CCNT2: variants seen among roughly 807,000 people sequenced by gnomAD.
The protein encoded by CCNT2 is cyclin T2, also known as cyclin-T2.
A neutral mutation model predicts 70.0 loss-of-function variants in CCNT2; 18 were observed. The observed-to-expected ratio is 0.26, with a 90% CI of 0.18 to 0.38. The LOEUF (loss-of-function observed/expected upper bound fraction) is 0.38. Ranked by LOEUF, CCNT2 falls within the 10% of genes least tolerant of loss-of-function variation. CCNT2 has a pLI of 1.00. For missense variants in CCNT2, 734 were observed against 890.2 expected (o/e 0.82, Z 2.23); for synonymous variants, 334 against 313.3 (o/e 1.07, Z -0.70).
rs892113850 is a variant in CCNT2, at chr2:134,956,407, G to A, written c.*1759G>A. ...GTAGCATGTCCTAACATTTGTTCTG[G>A]TCTTGCATAACTTCAGTAATCTTTG... is the stretch of plus-strand genomic sequence containing the variant. On this transcript the variant is annotated 3_prime_UTR_variant, in exon 9 of 9. Coordinates refer to ENST00000264157, the MANE Select transcript of CCNT2 (RefSeq NM_058241.3). 6.6e-6 allele frequency: 1 copy of A among 152,400 alleles called. No individual in the cohort carries two copies. Among genetic ancestry groups the A allele is most frequent in the South Asian group, 2.1e-4 (1 of 4,822 alleles). The allele number at this position is 152,400 out of a possible 1,614,324, so 9.4% of individuals were successfully genotyped here.
At position 134,936,959 on chromosome 2, in the gene CCNT2, C is replaced by A; in HGVS notation, c.359C>A (p.Thr120Asn). 6.2e-7 allele frequency: 1 copy of A among 1,606,096 alleles called. No individual in the cohort carries two copies. Among genetic ancestry groups the A allele is most frequent in the South Asian group, 1.1e-5 (1 of 90,020 alleles). ...CATCCTCTAGAGCCACTGCTGGATA[C>A]TAAATGTGATGTATGTAAATACTGG... ...CLHPLEPLLD[T>N]KCDAYLQQTQ... The change falls in exon 3 of 9, where the codon ACT becomes AAT. Residue 120 changes from threonine to asparagine, a missense_variant. Thr to Asn is a moderately conservative substitution (Grantham distance 65). Around this residue, in one of 3 missense-constraint regions of CCNT2, gnomAD observed 161 missense variants for 303.8 expected, o/e 0.53. Coordinates refer to ENST00000264157, the MANE Select transcript of CCNT2 (RefSeq NM_058241.3).
At position 134,954,127 on chromosome 2, in the gene CCNT2, G is replaced by A; in HGVS notation, c.1672G>A (p.Glu558Lys). The change falls in exon 9 of 9, where the codon GAG becomes AAG. Residue 558 changes from glutamate to lysine, a missense_variant. Glu to Lys is a moderately conservative substitution (Grantham distance 56, BLOSUM62 1). Around this residue, in one of 3 missense-constraint regions of CCNT2, gnomAD observed 532 missense variants for 556.9 expected, o/e 0.96. Transcript: ENST00000264157. ...SSPHISRDHK[E>K]KHKEHPSSRH... ...CCCACATATTAGCAGAGACCATAAG[G>A]AGAAGCACAAGGAGCATCCTTCAAG... 1 of 1,614,122 alleles carries A rather than the reference G, an allele frequency of 6.2e-7. No individual in the cohort carries two copies. The highest frequency in any genetic ancestry group is 8.5e-7 in the Non-Finnish European group (1 of 1,180,028).
At chr2:134,924,731 TAGCC>T (rs1316219000) in intron 2 of CCNT2, among the ~76,000 whole-genome samples, 1 of 152,122 alleles carries the variant, frequency 6.6e-6, no homozygotes, top group Non-Finnish European at 1.5e-5. Context: ...TTACAGGCGT[TAGCC>T]ACCTCGCCCG....
At chr2:134,939,868 C>G (rs541065159) in intron 4 of CCNT2, among the ~76,000 whole-genome samples, 3 of 152,324 alleles carry the variant, frequency 2.0e-5, no homozygotes, top group African/African-American at 4.8e-5. Context: ...TCACCATTCA[C>G]CTTACTCAAT....
chr2:134,943,260 T>TC (rs754630072), intron 5 of CCNT2: 181 of 370,708 alleles, frequency 4.9e-4, no homozygotes, highest in Non-Finnish European at 6.0e-4. Flanking sequence ...AATTAGCTGG[T>TC]TGTGGTGGTA....
At chr2:134,939,151 AT>A (rs1380065693) in intron 4 of CCNT2, 89 bp downstream of exon 4, 1 of 943,746 alleles carries the variant, frequency 1.1e-6, no homozygotes, top group African/African-American at 1.7e-5. Flanking sequence ...TAATTGTATT[AT>A]TGAAGAAAGT....
chr2:134,924,321 A>G (rs1352145998), intron 2 of CCNT2, among the ~76,000 whole-genome samples: 2 of 152,248 alleles, frequency 1.3e-5, no homozygotes, highest in East Asian at 3.8e-4. Flanking sequence ...AAACAAATGT[A>G]TAGTGGATTA....
chr2:134,945,887 A>T, intron 5 of CCNT2: 1 of 1,515,110 alleles, frequency 6.6e-7, no homozygotes, highest in South Asian at 1.2e-5. Context: ...CTTGTTTCTC[A>T]GATCTTTGGG....
chr2:134,929,466 G>A (rs997019139), intron 2 of CCNT2, among the ~76,000 whole-genome samples: 4 of 151,452 alleles, frequency 2.6e-5, no homozygotes, highest in Non-Finnish European at 4.4e-5. Flanking sequence ...AAATTAGCCC[G>A]GCATCTTGGT....
chr2:134,931,468 T>A (rs573954789), intron 2 of CCNT2, among the ~76,000 whole-genome samples: 2 of 152,042 alleles, frequency 1.3e-5, no homozygotes, highest in South Asian at 2.1e-4. Flanking sequence ...TGTAGCTTTG[T>A]AATAACTTTT....
intron 5 of CCNT2, 53 bp from the exon 6 acceptor site, chr2:134,946,048 T>C (rs2105071093): frequency 6.2e-7 from 1 of 1,609,582 alleles, no homozygotes; most frequent in East Asian, 2.2e-5. Context: ...ACTTTTTGAT[T>C]GTAGCACGTT....
rs139462708 is a variant in CCNT2, at chr2:134,925,233, GT to G, written c.240+5343del. 2.9e-3 allele frequency among the ~76,000 whole-genome samples: 449 copies of G among 152,208 alleles called. 1 individual carries two copies. Among genetic ancestry groups the G allele is most frequent in the African/African-American group, 9.5e-3 (395 of 41,526 alleles). ...TTCTTTCTTACAAATTGGTATTTTT[GT>G]ATTGGAATTCTTGATTCATCTCATA... On this transcript the variant is annotated intron_variant, in intron 2 of 8. Transcript: ENST00000264157.
Position 134,953,497 on chromosome 2 carries a change from C to G in CCNT2, c.1042C>G (p.His348Asp), listed in dbSNP as rs371316982. The G allele has an allele frequency of 6.8e-6, 11 of 1,614,218 alleles. No homozygotes were observed. Among genetic ancestry groups the G allele is most frequent in the Non-Finnish European group, 9.3e-6 (11 of 1,180,036 alleles). Residue 348 changes from histidine (H) to aspartate (D), a missense_variant, in exon 9 of 9, where the codon CAC (histidine) becomes GAC (aspartate). Transcript: ENST00000264157. Reference sequence around the variant, plus strand: ...AAGTACTTCATACGGTTTATCATCACACCAGGAATGGCCTCAACATCAAGA... The same window carrying G: ...AAGTACTTCATACGGTTTATCATCAGACCAGGAATGGCCTCAACATCAAGA... ...MPSTSYGLSS[H>D]QEWPQHQDSA...
rs779503530 is a variant in CCNT2 at position 134,953,841 on chromosome 2, ACAG to A, written c.1392_1394del (p.Gln464del). Reference sequence around the variant, plus strand: ...ATCATTATATAGCTGCCCAGGTAGAACAGCAGCACAAACAAGGGCAGTCACAGG... The same window carrying A: ...ATCATTATATAGCTGCCCAGGTAGAACAGCACAAACAAGGGCAGTCACAGG... On this transcript the variant is annotated inframe_deletion, in exon 9 of 9. Coordinates refer to ENST00000264157, the MANE Select transcript of CCNT2 (RefSeq NM_058241.3). 3 of 1,613,988 alleles carry A rather than the reference ACAG, an allele frequency of 1.9e-6. No homozygotes were observed. The highest frequency in any genetic ancestry group is 2.5e-6 in the Non-Finnish European group (3 of 1,179,962).
At chr2:134,949,762 T>G (rs1159386665) in intron 7 of CCNT2, among the ~76,000 whole-genome samples, 1 of 132,274 alleles carries the variant, frequency 7.6e-6, no homozygotes, top group Non-Finnish European at 1.5e-5. Flanking sequence ...TTTAGTTTAA[T>G]AGTCACTAGA....
intron 2 of CCNT2, among the ~76,000 whole-genome samples, chr2:134,930,943 T>A (rs1261894119): frequency 6.6e-6 from 1 of 151,724 alleles, no homozygotes; most frequent in Non-Finnish European, 1.5e-5. Context: ...AGTTAGTTTT[T>A]ATGTATGATG....
At chr2:134,943,486 G>A (rs1358298875) in intron 5 of CCNT2, 1 of 984,848 alleles carries the variant, frequency 1.0e-6, no homozygotes, top group Non-Finnish European at 1.2e-6. Flanking sequence ...ATTTTTCGAG[G>A]GTCTTTGACA....
chr2:134,954,415 T>C lies in CCNT2; in HGVS notation c.1960T>C (p.Tyr654His). 6.2e-7 allele frequency: 1 copy of C among 1,613,904 alleles called. No individual in the cohort carries two copies. Among genetic ancestry groups the C allele is most frequent in the Non-Finnish European group, 8.5e-7 (1 of 1,179,838 alleles). The change falls in exon 9 of 9, where the codon TAT becomes CAT. Residue 654 changes from tyrosine (Y) to histidine (H), a missense_variant. Physicochemically the swap from Tyr to His is moderately conservative, Grantham distance 83 (BLOSUM62 2). This residue lies in a region of CCNT2 where 532 missense variants were observed against 556.9 expected (regional missense o/e 0.96). Coordinates refer to ENST00000264157, the MANE Select transcript of CCNT2 (RefSeq NM_058241.3). ...TAGTTCTTCCTCCTCTGTTAAGCAG[T>C]ATATATCCTCTCACAACTCTGTTTT... The part of the protein sequence containing the change: ...SSSSSSSVKQ[Y>H]ISSHNSVFNH...
intron 2 of CCNT2, among the ~76,000 whole-genome samples, chr2:134,929,636 A>AGAGAGAGAGAG (rs1419165195): frequency 1.0e-4 from 13 of 129,752 alleles, no homozygotes; most frequent in South Asian, 2.9e-4. Flanking sequence ...AGAGAGAGAG[A>AGAGAGAGAGAG]ACTAATAAAT....
Sources: gnomAD v4.1 joint callset for allele counts (sites outside exome capture counted in the v4.1 genomes callset) on GRCh38, gnomAD v4.1.1 for gene constraint, gnomAD v4.1.1 regional missense constraint, MANE v1.5 for transcripts, NCBI Gene and HGNC (gene_info 2026-07-23, HGNC 2026-07-21) for gene names.